The following MAPK10 variants were observed in gnomAD, a reference collection of about 807,000 sequenced individuals.
The protein encoded by MAPK10 is JNK3 alpha protein kinase.
In MAPK10, 25 loss-of-function variants were observed where a neutral mutation model predicts 59.3. The ratio of observed to expected loss-of-function variants is 0.42; its 90% CI spans 0.31 to 0.59. MAPK10 has a LOEUF of 0.59. Ranked by LOEUF, MAPK10 falls within the 20% of genes least tolerant of loss-of-function variation. The probability of loss-of-function intolerance (pLI) is 0.15; values close to 1 mark genes in which losing one functional copy is unlikely to be tolerated. For synonymous variants in MAPK10, 190 were observed against 200.5 expected (o/e 0.95, Z 0.44); for missense variants, 351 against 568.9 (o/e 0.62, Z 3.90).
intron 1 of MAPK10, among the ~76,000 whole-genome samples, chr4:86,465,022 A>C (rs1752075487): frequency 6.6e-6 from 1 of 152,214 alleles, no homozygotes; most frequent in South Asian, 2.1e-4. Context: ...AAAGAAGCTA[A>C]AGCTATTATC....
chr4:86,083,284 A>T (rs1309858933), intron 9 of MAPK10, among the ~76,000 whole-genome samples: 2 of 152,096 alleles, frequency 1.3e-5, no homozygotes, highest in East Asian at 3.9e-4. Context: ...TTAATTCCAC[A>T]TTGCTGAAAG....
chr4:86,206,193 C>A (rs1290806926), intron 2 of MAPK10, among the ~76,000 whole-genome samples: 1 of 151,730 alleles, frequency 6.6e-6, no homozygotes, highest in Non-Finnish European at 1.5e-5. Context: ...TATCCCTCCC[C>A]CGTCCCCCCA....
chr4:86,304,024 T>C (rs1161296277), intron 2 of MAPK10, among the ~76,000 whole-genome samples: 1 of 152,174 alleles, frequency 6.6e-6, no homozygotes, highest in East Asian at 1.9e-4. Flanking sequence ...TTCCAAGTCT[T>C]GAACGGTTTA....
intron 9 of MAPK10, among the ~76,000 whole-genome samples, chr4:86,084,334 A>G (rs186626692): frequency 6.6e-6 from 1 of 152,344 alleles, no homozygotes; most frequent in African/African-American, 2.4e-5. Flanking sequence ...TTTGCAGATG[A>G]TATGATGTTA....
In MAPK10 at chr4:86,252,113, G is replaced by T. The variant is rs1293531345; in HGVS notation, c.-6-57706C>A. Among the ~76,000 whole-genome samples, 191 of 121,622 alleles carry T rather than the reference G, an allele frequency of 1.6e-3. 6 individuals are homozygous for T. The highest frequency in any genetic ancestry group is 2.5e-3 in the Non-Finnish European group (156 of 62,734). The allele number at this position is 121,622 out of a possible 152,430, so 79.8% of individuals were successfully genotyped here. On this transcript the variant is annotated intron_variant, in intron 2 of 13. Coordinates refer to ENST00000641462, the MANE Select transcript of MAPK10 (RefSeq NM_138982.4). ...GTAGGTTGCGAAAATTTTCTCCCAT[G>T]TTGTAGGTTGCCTGTTCACTCTGAT... is the stretch of plus-strand genomic sequence containing the variant.
At chr4:86,572,007 G>A (rs574592276) in intron 1 of MAPK10, among the ~76,000 whole-genome samples, 2 of 151,716 alleles carry the variant, frequency 1.3e-5, no homozygotes, top group South Asian at 2.1e-4. Context: ...TTTGTCATTC[G>A]TCTTTATATT....
At chr4:86,060,351 G>A (rs1303118221) in intron 11 of MAPK10, among the ~76,000 whole-genome samples, 6 of 152,136 alleles carry the variant, frequency 3.9e-5, no homozygotes, top group African/African-American at 7.2e-5. Flanking sequence ...TTGTAAGGCC[G>A]TTGCACTCAG....
intron 2 of MAPK10, among the ~76,000 whole-genome samples, chr4:86,311,242 AAGG>A (rs1333548822): frequency 1.3e-5 from 2 of 152,124 alleles, no homozygotes; most frequent in African/African-American, 4.8e-5. Flanking sequence ...ATAAAATACT[AAGG>A]AGGAGAAAGT....
intron 2 of MAPK10, chr4:86,327,785 C>CAAAAAAAAAAAAAAAA (rs5860023): frequency 1.9e-4 from 13 of 68,876 alleles, no homozygotes; most frequent in Non-Finnish European, 2.8e-4. Flanking sequence ...ACTAAAAATA[C>CAAAAAAAAAAAAAAAA]AAAAAAAAAA....
chr4:86,452,876 A>G (rs1007359327), intron 1 of MAPK10, among the ~76,000 whole-genome samples: 8 of 151,972 alleles, frequency 5.3e-5, no homozygotes, highest in African/African-American at 1.9e-4. Context: ...GAACCCATGG[A>G]CCCTCTAAAG....
At chr4:86,052,281 T>C (rs2043703258) in intron 11 of MAPK10, among the ~76,000 whole-genome samples, 1 of 152,132 alleles carries the variant, frequency 6.6e-6, no homozygotes, top group South Asian at 2.1e-4. Context: ...TTTTGTTATG[T>C]CTATAAATGA....
At chr4:86,586,209 C>T (rs1032509722) in intron 1 of MAPK10, among the ~76,000 whole-genome samples, 1 of 152,230 alleles carries the variant, frequency 6.6e-6, no homozygotes. Flanking sequence ...TAGGCAGTTA[C>T]ATAACTTGCC....
At chr4:86,040,357 A>T (rs927323871) in intron 11 of MAPK10, among the ~76,000 whole-genome samples, 11 of 152,184 alleles carry the variant, frequency 7.2e-5, no homozygotes, top group African/African-American at 2.7e-4. Context: ...GCCGAATATA[A>T]TGAATGAATG....
chr4:86,322,676 T>C (rs1222394247), intron 2 of MAPK10, among the ~76,000 whole-genome samples: 2 of 152,232 alleles, frequency 1.3e-5, no homozygotes, highest in Non-Finnish European at 2.9e-5. Flanking sequence ...GATGGTTTTT[T>C]ATCAGGCAAG....
At chr4:86,311,035 T>TAC (rs143712904) in intron 2 of MAPK10, among the ~76,000 whole-genome samples, 13,382 of 141,898 alleles carry the variant, frequency 0.094, 632 homozygotes, top group South Asian at 0.14. Context: ...AGTTTTAAGT[T>TAC]ACACACACAC....
At position 86,057,366 on chromosome 4, in the gene MAPK10, C is replaced by T. The variant is rs1337702135; in HGVS notation, c.1110+6900G>A. ...ATCTGGTTGAAGATTAGCAGATTCT[C>T]ACTGCAGTTTAGTTATAACTGATTA... On this transcript the variant is annotated intron_variant, in intron 11 of 13. Coordinates refer to ENST00000641462, the MANE Select transcript of MAPK10 (RefSeq NM_138982.4). Among the ~76,000 whole-genome samples the T allele has an allele frequency of 2.0e-5, 3 of 150,194 alleles. 1 individual carries two copies. Among genetic ancestry groups the T allele is most frequent in the Non-Finnish European group, 4.4e-5 (3 of 67,688 alleles).
At chr4:86,382,657 T>C (rs562190555) in intron 1 of MAPK10, among the ~76,000 whole-genome samples, 2 of 152,184 alleles carry the variant, frequency 1.3e-5, no homozygotes, top group Non-Finnish European at 2.9e-5. Context: ...TGGCAGTATA[T>C]AGTCTTTGGG....
chr4:86,369,928 C>T (rs539909593), intron 1 of MAPK10, among the ~76,000 whole-genome samples: 1 of 152,288 alleles, frequency 6.6e-6, no homozygotes, highest in African/African-American at 2.4e-5. Flanking sequence ...ATAATATTCA[C>T]TTCACAGACT....
intron 1 of MAPK10, among the ~76,000 whole-genome samples, chr4:86,573,311 G>A (rs761357932): frequency 2.0e-5 from 3 of 152,108 alleles, no homozygotes; most frequent in Non-Finnish European, 2.9e-5. Context: ...GGTGGAGATA[G>A]GTTTTAGCTT....
Sources: gnomAD v4.1 joint callset for allele counts (sites outside exome capture counted in the v4.1 genomes callset) on GRCh38, gnomAD v4.1.1 for gene constraint, MANE v1.5 for transcripts, NCBI Gene and HGNC (gene_info 2026-07-23, HGNC 2026-07-21) for gene names.